Variants in MAPK10 observed in about 807,000 individuals in gnomAD.
MAPK10 encodes JNK3 alpha protein kinase.
A neutral mutation model predicts 59.3 loss-of-function variants in MAPK10; 25 were observed. That is an observed-to-expected ratio of 0.42 (90% confidence interval 0.31 to 0.59). MAPK10 has a LOEUF of 0.59. Ranked by LOEUF, MAPK10 falls within the 20% of genes least tolerant of loss-of-function variation. The pLI is 0.15. For synonymous variants in MAPK10, 190 were observed against 200.5 expected (o/e 0.95, Z 0.44); for missense variants, 351 against 568.9 (o/e 0.62, Z 3.90).
chr4:86,106,170 C>T (rs762221664), intron 5 of MAPK10, among the ~76,000 whole-genome samples: 29 of 151,992 alleles, frequency 1.9e-4, no homozygotes, highest in Non-Finnish European at 3.4e-4. Flanking sequence ...TCATGGGGCC[C>T]GAATCTGCAT....
Position 86,017,605 on chromosome 4 carries a change from C to A in MAPK10, c.1253-235G>T, listed in dbSNP as rs556320696. Among the ~76,000 whole-genome samples, 1 of 152,296 alleles carries A rather than the reference C, an allele frequency of 6.6e-6. No individual in the cohort carries two copies. Among genetic ancestry groups the A allele is most frequent in the East Asian group, 1.9e-4 (1 of 5,176 alleles). ...AAATCTCACTCTATATTTGAAATCA[C>A]CTGCAACACTTTCTATTAAAAAACA... On this transcript the variant is annotated intron_variant, in intron 13 of 13. Transcript: ENST00000641462. The surrounding 1 kb of genome is among the most constrained non-coding windows in gnomAD (Gnocchi z 4.4).
rs530176134 is a variant in MAPK10 at position 86,206,970 on chromosome 4, C to G, written c.-6-12563G>C. 3.1e-4 allele frequency among the ~76,000 whole-genome samples: 47 copies of G among 152,024 alleles called. No individual in the cohort carries two copies. In the East Asian group the frequency reaches 6.2e-3, roughly 20 times the overall value. The stretch of plus-strand genomic sequence containing the variant: ...AGCCCTTTGTCAGATGAGTAGGTTG[C>G]GAAAATTTTCTCCCATTTTGTAGGT... On this transcript the variant is annotated intron_variant, in intron 2 of 13. Transcript: ENST00000641462.
At chr4:86,064,189 G>A (rs1382741320) in intron 11 of MAPK10, 77 bp downstream of exon 11, 2 of 1,534,850 alleles carry the variant, frequency 1.3e-6, no homozygotes, top group East Asian at 4.5e-5. Flanking sequence ...CATTCTTTAG[G>A]CTTCTAGTCC....
chr4:86,349,161 C>G (rs1729828659), intron 2 of MAPK10, among the ~76,000 whole-genome samples: 2 of 152,154 alleles, frequency 1.3e-5, no homozygotes, highest in Non-Finnish European at 2.9e-5. Context: ...TTAAATTTTT[C>G]TTCTGAGAGA....
upstream of MAPK10, among the ~76,000 whole-genome samples, chr4:86,363,749 T>C (rs1280734274): frequency 6.6e-6 from 1 of 152,184 alleles, no homozygotes; most frequent in Middle Eastern, 3.2e-3. Flanking sequence ...CCTCTTGTTT[T>C]ACTAAAATTT....
chr4:86,181,440 T>C (rs1362344467), intron 3 of MAPK10, among the ~76,000 whole-genome samples: 1 of 152,086 alleles, frequency 6.6e-6, no homozygotes, highest in Admixed American at 6.6e-5. Flanking sequence ...AACTAAATCA[T>C]CGGTAAATGT....
chr4:86,377,189 A>G (rs1480049382), intron 1 of MAPK10, among the ~76,000 whole-genome samples: 1 of 151,986 alleles, frequency 6.6e-6, no homozygotes, highest in Non-Finnish European at 1.5e-5. Context: ...TCAGATTAAC[A>G]CTAGCACTCT....
intron 2 of MAPK10, among the ~76,000 whole-genome samples, chr4:86,206,093 G>C (rs972872978): frequency 4.0e-5 from 6 of 151,660 alleles, no homozygotes; most frequent in African/African-American, 7.3e-5. Flanking sequence ...TGTGCACAAT[G>C]TGCAGGTTAG....
intron 1 of MAPK10, chr4:86,392,333 G>A (rs1215682566): frequency 2.0e-5 from 3 of 152,148 alleles, no homozygotes; most frequent in Non-Finnish European, 4.4e-5. Context: ...CAGCTATTCA[G>A]GAGGCTGAAG....
intron 1 of MAPK10, among the ~76,000 whole-genome samples, chr4:86,496,759 A>AT (rs1008847901): frequency 1.5e-4 from 23 of 152,292 alleles, no homozygotes; most frequent in Admixed American, 1.4e-3. Flanking sequence ...ATGACAATTA[A>AT]TTTTTTCTGG....
At chr4:86,130,378 T>C (rs2060784942) in intron 4 of MAPK10, among the ~76,000 whole-genome samples, 1 of 152,152 alleles carries the variant, frequency 6.6e-6, no homozygotes, top group African/African-American at 2.4e-5. Context: ...AGAAGTTTCT[T>C]GTACTCAAAG....
At chr4:86,242,253 G>A (rs1204249314) in intron 2 of MAPK10, among the ~76,000 whole-genome samples, 1 of 152,120 alleles carries the variant, frequency 6.6e-6, no homozygotes. Flanking sequence ...CTGACCTCGA[G>A]AGGCACCAAC....
At chr4:86,434,208 A>G (rs919765666) in intron 1 of MAPK10, among the ~76,000 whole-genome samples, 7 of 152,172 alleles carry the variant, frequency 4.6e-5, no homozygotes, top group Non-Finnish European at 1.0e-4. Flanking sequence ...AAATGAAACT[A>G]GACCCCCTAT....
intron 4 of MAPK10, among the ~76,000 whole-genome samples, chr4:86,139,734 G>A (rs945550987): frequency 2.0e-5 from 3 of 152,044 alleles, no homozygotes; most frequent in Non-Finnish European, 4.4e-5. Context: ...ACTACCATCA[G>A]AGTAGCAGGC....
chr4:86,579,583 T>A (rs1762126138), intron 1 of MAPK10, among the ~76,000 whole-genome samples: 2 of 151,904 alleles, frequency 1.3e-5, no homozygotes, highest in South Asian at 4.2e-4. Flanking sequence ...CACTCTTCTA[T>A]GTCTTGCTTT....
intron 2 of MAPK10, among the ~76,000 whole-genome samples, chr4:86,348,264 G>A (rs190666105): frequency 2.2e-4 from 34 of 152,186 alleles, no homozygotes; most frequent in African/African-American, 7.2e-4. Flanking sequence ...TCAGAATCAT[G>A]CACCACTAGC....
intron 2 of MAPK10, among the ~76,000 whole-genome samples, chr4:86,346,088 A>G (rs2148950564): frequency 6.6e-6 from 1 of 152,356 alleles, no homozygotes; most frequent in Non-Finnish European, 1.5e-5. Flanking sequence ...TCAGACATCT[A>G]TACAAAGGAC....
chr4:86,546,484 G>A (rs1414800655), intron 1 of MAPK10, among the ~76,000 whole-genome samples: 1 of 150,962 alleles, frequency 6.6e-6, no homozygotes, highest in African/African-American at 2.4e-5. Context: ...TTGAACCTGG[G>A]AAGCGGAGGT....
At chr4:86,352,048 A>C (rs1032510587) in intron 2 of MAPK10, 3 of 152,224 alleles carry the variant, frequency 2.0e-5, no homozygotes, top group Non-Finnish European at 2.9e-5. Context: ...GAACTTGTAA[A>C]TCAAGTGTTG....
Sources: allele counts gnomAD v4.1 joint callset (sites outside exome capture counted in the v4.1 genomes callset), GRCh38; gene constraint gnomAD v4.1.1; non-coding constraint Gnocchi (gnomAD v3.1); transcripts MANE v1.5; gene names NCBI Gene and HGNC (gene_info 2026-07-23, HGNC 2026-07-21).